Variants in TRDN observed in about 807,000 individuals in gnomAD.
The protein encoded by TRDN is triadin in skeletal muscle.
TRDN carries 161 observed loss-of-function variants against 149.7 expected under a neutral mutation model. That is an observed-to-expected ratio of 1.08 (90% CI 0.95 to 1.23). TRDN has a LOEUF of 1.23. Ranked by LOEUF, TRDN falls within the 50% of genes most tolerant of loss-of-function variation. The pLI is 0.00. For synonymous variants in TRDN, 294 were observed against 250.5 expected, an observed-to-expected ratio of 1.17 and a Z score of -1.64; for missense variants, 896 against 823.5, an observed-to-expected ratio of 1.09 and a Z score of -1.08.
chr6:123,582,530 A>G lies in TRDN; in HGVS notation c.23-11398T>C, dbSNP rs1283405995. Among the ~76,000 whole-genome samples, 5 of 144,136 alleles carry G rather than the reference A, an allele frequency of 3.5e-5. No homozygotes were observed. In the East Asian group the frequency reaches 1.1e-3, roughly 33 times the overall value. The allele number at this position is 144,136 out of a possible 152,430, so 94.6% of individuals were successfully genotyped here. ...TCTCTGGCAGGCAGGAGTGGGGGGC[A>G]CAGGTACTCAGTGGGGGCGCTTTTG... is the stretch of plus-strand genomic sequence containing the variant. On this transcript the variant is annotated intron_variant, in intron 1 of 40. Coordinates refer to ENST00000334268, the MANE Select transcript of TRDN (RefSeq NM_006073.4).
chr6:123,614,653 A>G (rs927031819), intron 1 of TRDN, among the ~76,000 whole-genome samples: 25 of 151,926 alleles, frequency 1.6e-4, no homozygotes, highest in African/African-American at 6.0e-4. Context: ...AATTAACTCA[A>G]AATGGATTAA....
intron 24 of TRDN, among the ~76,000 whole-genome samples, chr6:123,280,833 C>T (rs1777559898): frequency 6.6e-6 from 1 of 151,874 alleles, no homozygotes; most frequent in Non-Finnish European, 1.5e-5. Context: ...TGAATGCCTT[C>T]TTTTCTACAT....
chr6:123,385,246 T>C (rs1186605710), intron 14 of TRDN, among the ~76,000 whole-genome samples: 1 of 151,834 alleles, frequency 6.6e-6, no homozygotes, highest in African/African-American at 2.4e-5. Flanking sequence ...GCTAACACTG[T>C]GAAACCCCGT....
intron 12 of TRDN, among the ~76,000 whole-genome samples, chr6:123,430,137 G>GCA (rs1174286831): frequency 6.6e-6 from 1 of 152,024 alleles, no homozygotes; most frequent in Non-Finnish European, 1.5e-5. Context: ...AGGCATGGTG[G>GCA]CACGTGCCCA....
chr6:123,321,046 G>C (rs568554475), intron 23 of TRDN, among the ~76,000 whole-genome samples: 3 of 152,156 alleles, frequency 2.0e-5, no homozygotes, highest in South Asian at 4.1e-4. Flanking sequence ...CATTAGCAGT[G>C]TTATCTCTGG....
chr6:123,266,159 TATA>T lies in TRDN; in HGVS notation c.1784-824_1784-822del, dbSNP rs1482982905. ...AATATGTATTATATATTATATATAT[TATA>T]ATATGTATTATATATTATATATATT... On this transcript the variant is annotated intron_variant, in intron 32 of 40. Transcript: ENST00000334268. Among the ~76,000 whole-genome samples the T allele has an allele frequency of 1.0e-4, 10 of 99,938 alleles. No individual in the cohort carries two copies. In the East Asian group the frequency reaches 2.0e-3, roughly 20 times the overall value. The allele number at this position is 99,938 out of a possible 152,430, so 65.6% of individuals were successfully genotyped here.
chr6:123,373,141 C>T (rs1163925104), intron 19 of TRDN, among the ~76,000 whole-genome samples: 1 of 152,096 alleles, frequency 6.6e-6, no homozygotes, highest in Non-Finnish European at 1.5e-5. Context: ...TTGGCTGTGT[C>T]CCCACCTGAA....
intron 12 of TRDN, 118 bp downstream of exon 12, chr6:123,437,945 T>G (rs1220012624): frequency 1.1e-6 from 1 of 874,950 alleles, no homozygotes; most frequent in Non-Finnish European, 1.8e-6. Flanking sequence ...GCTTTGACCT[T>G]CACGTCTTGG....
rs113275197 is a variant in TRDN at position 123,500,788 on chromosome 6, C to T, written c.793+2931G>A. Among the ~76,000 whole-genome samples, 568 of 152,176 alleles carry T rather than the reference C, an allele frequency of 3.7e-3. 3 individuals carry two copies. Among genetic ancestry groups the T allele is most frequent in the African/African-American group, 0.013 (539 of 41,506 alleles). ...GAACAACAAAAAATTTTTAAGAAAC[C>T]TGTAATGAGGATGGGGCACATGTGG... On this transcript the variant is annotated intron_variant, in intron 8 of 40. Transcript: ENST00000334268.
rs561737994 is a variant in TRDN at position 123,585,496 on chromosome 6, C to T, written c.23-14364G>A. On this transcript the variant is annotated intron_variant, in intron 1 of 40. Coordinates refer to ENST00000334268, the MANE Select transcript of TRDN (RefSeq NM_006073.4). ...CTTATCCTTCACTGTTAGAGTTACC[C>T]GAAGCTCGGCATCCATGATGGTCTA... is the stretch of plus-strand genomic sequence containing the variant. Among the ~76,000 whole-genome samples, 11 of 152,064 alleles carry T rather than the reference C, an allele frequency of 7.2e-5. No individual in the cohort carries two copies. In the South Asian group the frequency reaches 8.4e-4, roughly 12 times the overall value.
At chr6:123,566,939 T>C (rs1363530759) in intron 2 of TRDN, among the ~76,000 whole-genome samples, 2 of 152,260 alleles carry the variant, frequency 1.3e-5, no homozygotes, top group East Asian at 3.8e-4. Flanking sequence ...GAATTTGTTC[T>C]TATTTTATAA....
chr6:123,578,777 C>T (rs546749722), intron 1 of TRDN, among the ~76,000 whole-genome samples: 6 of 151,976 alleles, frequency 3.9e-5, no homozygotes, highest in African/African-American at 7.2e-5. Context: ...TATTTTTATC[C>T]GTGAGCATGG....
chr6:123,571,059 C>T lies in TRDN; in HGVS notation c.96G>A (p.Leu32=), dbSNP rs752180407. 1 of 1,613,968 alleles carries T rather than the reference C, an allele frequency of 6.2e-7. No homozygotes were observed. The highest frequency in any genetic ancestry group is 8.5e-7 in the Non-Finnish European group (1 of 1,179,874). The change falls in exon 2 of 41, where the codon CTG becomes CTA. Residue 32 remains leucine, a synonymous_variant. Transcript: ENST00000334268. ...CTATGTCTTCTGTGACTGTCCTCTT[C>T]AGCACTTTTCCGGGGGATTTGGGCA... The part of the protein sequence containing the change: ...GSVPKSPGKV[L]KRTVTEDIVT...
At chr6:123,296,818 C>T (rs1365983898) in intron 24 of TRDN, among the ~76,000 whole-genome samples, 1 of 151,874 alleles carries the variant, frequency 6.6e-6, no homozygotes, top group African/African-American at 2.4e-5. Context: ...TGCTGAACAT[C>T]AGGGAAAGAA....
intron 24 of TRDN, among the ~76,000 whole-genome samples, chr6:123,302,496 A>G (rs1264394917): frequency 6.6e-6 from 1 of 152,110 alleles, no homozygotes. Flanking sequence ...CCATCAAGTG[A>G]GTGGGTGGAT....
At chr6:123,274,815 G>A (rs2114619198) in intron 26 of TRDN, 145 bp from the exon 27 acceptor site, 2 of 726,290 alleles carry the variant, frequency 2.8e-6, no homozygotes, top group Non-Finnish European at 4.5e-6. Context: ...AGAGGTTTCA[G>A]TGAGCTGAGA....
At chr6:123,631,257 G>C (rs1785987147) in intron 1 of TRDN, among the ~76,000 whole-genome samples, 1 of 151,734 alleles carries the variant, frequency 6.6e-6, no homozygotes, top group Non-Finnish European at 1.5e-5. Context: ...TCATACAAAA[G>C]CTTCATACTT....
chr6:123,406,501 C>T (rs1393460343), intron 12 of TRDN, among the ~76,000 whole-genome samples: 1 of 151,670 alleles, frequency 6.6e-6, no homozygotes, highest in Non-Finnish European at 1.5e-5. Flanking sequence ...TTTTTCCTTG[C>T]AATTTTAAAC....
chr6:123,295,080 T>G (rs1778146636), intron 24 of TRDN, among the ~76,000 whole-genome samples: 1 of 152,076 alleles, frequency 6.6e-6, no homozygotes, highest in African/African-American at 2.4e-5. Flanking sequence ...GTGGACCAGA[T>G]TGAGGACTAG....
Sources: gnomAD v4.1 joint callset for allele counts (sites outside exome capture counted in the v4.1 genomes callset) on GRCh38, gnomAD v4.1.1 for gene constraint, MANE v1.5 for transcripts, NCBI Gene and HGNC (gene_info 2026-07-23, HGNC 2026-07-21) for gene names.